The following AKR1B15 variants were observed in gnomAD, a reference collection of about 807,000 sequenced individuals.
AKR1B15 encodes estradiol 17-beta-dehydrogenase AKR1B15.
Under a neutral mutation model 38.5 loss-of-function variants are expected in AKR1B15, and 49 were observed. The ratio of observed to expected loss-of-function variants is 1.27; its 90% CI spans 1.01 to 1.62. The LOEUF is 1.62. Among genes scored for constraint, AKR1B15 ranks in the 40% most tolerant of loss-of-function variants. AKR1B15 has a pLI of 0.00. For synonymous variants in AKR1B15, 137 were observed against 135.5 expected, an observed-to-expected ratio of 1.01 and a Z score of -0.08; for missense variants, 411 against 381.6, an observed-to-expected ratio of 1.08 and a Z score of -0.64.
intron 5 of AKR1B15, chr7:134,569,998 C>A (rs1235900262): frequency 6.4e-6 from 1 of 155,144 alleles, no homozygotes; most frequent in African/African-American, 2.4e-5. Context: ...GTGGGCCGGG[C>A]AGCACAGAGC....
At chr7:134,555,364 A>G (rs983422440) in intron 1 of AKR1B15, among the ~76,000 whole-genome samples, 2 of 151,962 alleles carry the variant, frequency 1.3e-5, no homozygotes, top group East Asian at 3.9e-4. Flanking sequence ...CCACACCAAC[A>G]GCTCTGAAGG....
Position 134,564,649 on chromosome 7 carries a change from C to T in AKR1B15, c.30C>T (p.Asn10=). 1.4e-6 allele frequency: 1 copy of T among 698,590 alleles called. No individual in the cohort carries two copies. The allele number at this position is 698,590 out of a possible 1,614,324, so 43.3% of individuals were successfully genotyped here. The change falls in exon 3 of 12, where the codon AAC becomes AAT. Residue 10 remains asparagine (N), a synonymous_variant. Coordinates refer to ENST00000457545, the MANE Select transcript of AKR1B15 (RefSeq NM_001080538.3). MVLQMEPQV[N]STNNFHQGPL... ...TCTTACAAATGGAACCCCAAGTGAA[C>T]TCAACTAACAACTTCCACCAAGGAC...
At chr7:134,569,747 A>G (rs1585808486) in intron 5 of AKR1B15, 2 of 494,376 alleles carry the variant, frequency 4.0e-6, no homozygotes, top group Non-Finnish European at 7.2e-6. Flanking sequence ...ATGAACATTT[A>G]TCACTTCCCC....
At chr7:134,550,048 T>C (rs909972016) in intron 1 of AKR1B15, among the ~76,000 whole-genome samples, 7 of 152,126 alleles carry the variant, frequency 4.6e-5, no homozygotes, top group Admixed American at 2.0e-4. Flanking sequence ...GGCGTTTGGA[T>C]TGCCATACCC....
intron 2 of AKR1B15, among the ~76,000 whole-genome samples, chr7:134,561,088 T>C (rs1794375221): frequency 1.3e-5 from 2 of 152,212 alleles, no homozygotes; most frequent in South Asian, 4.1e-4. Flanking sequence ...AGGTTTATAG[T>C]CACAAAGGAT....
intron 2 of AKR1B15, 48 bp from the exon 3 acceptor site, chr7:134,564,550 C>T (rs1352177385): frequency 1.5e-6 from 1 of 655,218 alleles, no homozygotes; most frequent in Non-Finnish European, 2.8e-6. Context: ...TATTACTCAC[C>T]TTTGGGCCCT....
chr7:134,565,556 C>A, intron 3 of AKR1B15: 1 of 1,613,584 alleles, frequency 6.2e-7, no homozygotes, highest in East Asian at 2.2e-5. Context: ...GGTAAATATG[C>A]AAATCTTTGC....
chr7:134,571,254 C>A (rs1372611226), intron 5 of AKR1B15, among the ~76,000 whole-genome samples: 1 of 152,186 alleles, frequency 6.6e-6, no homozygotes, highest in Non-Finnish European at 1.5e-5. Flanking sequence ...AAAACCACAC[C>A]CTGGAGATCT....
intron 2 of AKR1B15, among the ~76,000 whole-genome samples, chr7:134,562,835 T>TTTCA (rs1554402374): frequency 7.9e-5 from 2 of 25,300 alleles, no homozygotes; most frequent in Non-Finnish European, 2.0e-4. Flanking sequence ...TTCCTTTCTC[T>TTTCA]TTCTTTCTTT....
chr7:134,562,698 C>T (rs1562946795), intron 2 of AKR1B15, among the ~76,000 whole-genome samples: 1 of 152,116 alleles, frequency 6.6e-6, no homozygotes, highest in Non-Finnish European at 1.5e-5. Context: ...GTCCAGCTGG[C>T]TACACCTCTC....
At chr7:134,578,542 G>A (rs1425539271) in intron 11 of AKR1B15, among the ~76,000 whole-genome samples, 1 of 152,276 alleles carries the variant, frequency 6.6e-6, no homozygotes, top group South Asian at 2.1e-4. Flanking sequence ...GGCTAGGCGG[G>A]AATTCTACAT....
intron 5 of AKR1B15, chr7:134,570,548 T>C (rs1794647070): frequency 6.6e-6 from 1 of 152,156 alleles, no homozygotes. Flanking sequence ...TTTCTCTCTT[T>C]GTAATCTTTC....
chr7:134,562,979 C>T (rs1794454731), intron 2 of AKR1B15, among the ~76,000 whole-genome samples: 1 of 151,008 alleles, frequency 6.6e-6, no homozygotes, highest in Admixed American at 6.6e-5. Context: ...TTTCTCTATT[C>T]CTTACTCTTC....
At chr7:134,575,614 A>T in intron 7 of AKR1B15, 72 bp downstream of exon 7, 1 of 1,599,960 alleles carries the variant, frequency 6.3e-7, no homozygotes, top group South Asian at 1.1e-5. Flanking sequence ...GGAATGTTCA[A>T]TGCTATGCCC....
intron 1 of AKR1B15, among the ~76,000 whole-genome samples, chr7:134,555,374 G>A (rs527661478): frequency 4.6e-5 from 7 of 152,152 alleles, no homozygotes; most frequent in South Asian, 2.1e-4. Flanking sequence ...AGCTCTGAAG[G>A]TGGACGGCAC....
intron 3 of AKR1B15, among the ~76,000 whole-genome samples, chr7:134,567,446 T>C (rs1258055665): frequency 1.3e-5 from 2 of 152,142 alleles, no homozygotes; most frequent in Non-Finnish European, 2.9e-5. Flanking sequence ...AAATGATCAT[T>C]GTATAATGGA....
chr7:134,565,178 T>C (rs573219178), intron 3 of AKR1B15: 36 of 360,486 alleles, frequency 1.0e-4, no homozygotes, highest in Non-Finnish European at 1.7e-4. Flanking sequence ...CGAAAAATCT[T>C]GCTGCTGCTC....
chr7:134,556,711 T>C (rs1261593357), intron 1 of AKR1B15, 25 bp from the exon 2 acceptor site: 1 of 152,138 alleles, frequency 6.6e-6, no homozygotes, highest in Non-Finnish European at 1.5e-5. Context: ...CAACTTCTCA[T>C]TGCTCCCCCT....
chr7:134,577,032 G>C lies in AKR1B15; in HGVS notation c.895G>C (p.Val299Leu). The change falls in exon 10 of 12, where the codon GTT becomes CTT. Residue 299 changes from valine (V) to leucine (L), a missense_variant. Coordinates refer to ENST00000457545, the MANE Select transcript of AKR1B15 (RefSeq NM_001080538.3). ...CAAGTCTATGACACCAGCACACATT[G>C]TTGAGAACATTCAGGTAAGTTTCCG... ...IPKSMTPAHI[V>L]ENIQVFDFKL... is the part of the protein sequence containing the mutation. 3.7e-6 allele frequency: 6 copies of C among 1,613,748 alleles called. No individual in the cohort carries two copies. The highest frequency in any genetic ancestry group is 4.2e-6 in the Non-Finnish European group (5 of 1,179,706).
Sources: gnomAD v4.1 joint callset for allele counts (sites outside exome capture counted in the v4.1 genomes callset) on GRCh38, gnomAD v4.1.1 for gene constraint, MANE v1.5 for transcripts, NCBI Gene and HGNC (gene_info 2026-07-23, HGNC 2026-07-21) for gene names.